The following PLPPR1 variants were observed in gnomAD, a reference collection of about 807,000 sequenced individuals.
The protein encoded by PLPPR1 is phospholipid phosphatase related 1, also known as phospholipid phosphatase-related protein type 1.
Under a neutral mutation model 33.1 loss-of-function variants are expected in PLPPR1, and 10 were observed. That is an observed-to-expected ratio of 0.30 (90% CI 0.19 to 0.51). PLPPR1 has a LOEUF of 0.51. PLPPR1 is among the 20% of genes least tolerant of loss of function. The pLI is 0.97. For synonymous variants in PLPPR1, 151 were observed against 151.0 expected, an observed-to-expected ratio of 1.00 and a Z score of 0.00; for missense variants, 304 against 408.1, an observed-to-expected ratio of 0.74 and a Z score of 2.20.
intron 1 of PLPPR1, among the ~76,000 whole-genome samples, chr9:101,092,040 AC>A (rs761335634): frequency 5.3e-5 from 8 of 151,678 alleles, no homozygotes; most frequent in Non-Finnish European, 8.8e-5. Context: ...TTCTCTTGAC[AC>A]TCTCTCCTTG....
chr9:101,218,215 G>A (rs568007509), intron 2 of PLPPR1, among the ~76,000 whole-genome samples: 1 of 152,212 alleles, frequency 6.6e-6, no homozygotes, highest in South Asian at 2.1e-4. Context: ...GATCCACATT[G>A]GGAATATGAG....
chr9:101,111,667 G>A (rs991088565), intron 1 of PLPPR1, among the ~76,000 whole-genome samples: 24 of 152,258 alleles, frequency 1.6e-4, no homozygotes, highest in African/African-American at 5.8e-4. Context: ...ATGAAGCACT[G>A]TCAGTTACTT....
chr9:101,293,451 AC>A (rs1265472820), intron 4 of PLPPR1, among the ~76,000 whole-genome samples: 39 of 152,050 alleles, frequency 2.6e-4, no homozygotes, highest in African/African-American at 9.4e-4. Context: ...CACCAAGCAG[AC>A]CTAATAGACA....
chr9:101,058,407 G>A (rs1830304483), intron 1 of PLPPR1, among the ~76,000 whole-genome samples: 1 of 152,068 alleles, frequency 6.6e-6, no homozygotes, highest in African/African-American at 2.4e-5. Context: ...CTGAACAGAT[G>A]GGGCAGGAGA....
chr9:101,299,445 T>G (rs1446522522), intron 4 of PLPPR1, among the ~76,000 whole-genome samples: 1 of 152,186 alleles, frequency 6.6e-6, no homozygotes, highest in African/African-American at 2.4e-5. Context: ...CAAGAAATTG[T>G]GATGAGGTTA....
intron 2 of PLPPR1, among the ~76,000 whole-genome samples, chr9:101,199,471 C>T (rs1826455747): frequency 6.6e-6 from 1 of 152,194 alleles, no homozygotes; most frequent in Admixed American, 6.5e-5. Flanking sequence ...TAAATTTACT[C>T]CTTCAGCAGA....
chr9:101,037,854 GTTTTT>G (rs34419550), intron 1 of PLPPR1, among the ~76,000 whole-genome samples: 1 of 138,774 alleles, frequency 7.2e-6, no homozygotes. Context: ...TTTGGGTCTA[GTTTTT>G]TTTTTTTTTT....
intron 2 of PLPPR1, among the ~76,000 whole-genome samples, chr9:101,260,874 G>A (rs1827886064): frequency 1.3e-5 from 2 of 152,162 alleles, no homozygotes; most frequent in African/African-American, 4.8e-5. Flanking sequence ...AGACCAGGCT[G>A]AAGAAAAGGG....
At chr9:101,297,997 G>A (rs149554583) in intron 4 of PLPPR1, among the ~76,000 whole-genome samples, 1 of 152,256 alleles carries the variant, frequency 6.6e-6, no homozygotes, top group African/African-American at 2.4e-5. Context: ...AAATATTTTT[G>A]TAAATATAAA....
intron 2 of PLPPR1, among the ~76,000 whole-genome samples, chr9:101,235,219 T>C (rs1827275590): frequency 6.6e-6 from 1 of 151,894 alleles, no homozygotes; most frequent in Non-Finnish European, 1.5e-5. Context: ...TTTCCCCCGA[T>C]TCCTTTCATG....
At chr9:101,161,231 T>C (rs1340704605) in intron 1 of PLPPR1, among the ~76,000 whole-genome samples, 5 of 152,122 alleles carry the variant, frequency 3.3e-5, no homozygotes, top group African/African-American at 9.7e-5. Flanking sequence ...ATAGTAGTTA[T>C]CATGTTGCCT....
chr9:101,116,559 A>G (rs1831120373), intron 1 of PLPPR1, among the ~76,000 whole-genome samples: 1 of 152,176 alleles, frequency 6.6e-6, no homozygotes, highest in Non-Finnish European at 1.5e-5. Context: ...TCACGCCTGT[A>G]ATCCCAGGAC....
intron 1 of PLPPR1, among the ~76,000 whole-genome samples, chr9:101,165,100 A>T (rs1825837376): frequency 6.6e-6 from 1 of 152,200 alleles, no homozygotes; most frequent in Non-Finnish European, 1.5e-5. Context: ...GCATTATGTA[A>T]GTCAGAGATC....
chr9:101,286,058 T>A, intron 3 of PLPPR1, 46 bp from the exon 4 acceptor site: 1 of 1,568,796 alleles, frequency 6.4e-7, no homozygotes, highest in Non-Finnish European at 8.7e-7. Context: ...GCCTCTCTTA[T>A]CAAACAGATC....
intron 2 of PLPPR1, among the ~76,000 whole-genome samples, chr9:101,267,548 C>T (rs528087769): frequency 9.2e-5 from 14 of 152,192 alleles, no homozygotes; most frequent in Admixed American, 3.3e-4. Context: ...GAGCAGAAAA[C>T]GCTAGATACT....
intron 1 of PLPPR1, among the ~76,000 whole-genome samples, chr9:101,079,670 C>G (rs1220524162): frequency 1.3e-5 from 2 of 152,020 alleles, no homozygotes; most frequent in Non-Finnish European, 2.9e-5. Flanking sequence ...ACCTCTGTCT[C>G]CCAGGTTCAC....
At chr9:101,107,924 G>A (rs965210393) in intron 1 of PLPPR1, among the ~76,000 whole-genome samples, 3 of 151,018 alleles carry the variant, frequency 2.0e-5, no homozygotes, top group African/African-American at 4.9e-5. Context: ...AGGTGCGTTC[G>A]TCACCCCTTT....
intron 1 of PLPPR1, among the ~76,000 whole-genome samples, chr9:101,165,970 T>C (rs1422618527): frequency 6.6e-6 from 1 of 152,212 alleles, no homozygotes; most frequent in Admixed American, 6.5e-5. Flanking sequence ...CTTTACCATA[T>C]TCATTCTTCT....
chr9:101,172,353 G>GA (rs55644832), intron 1 of PLPPR1, among the ~76,000 whole-genome samples: 54,305 of 148,198 alleles, frequency 0.37, 10,160 homozygotes, highest in Middle Eastern at 0.44. Context: ...CACTAAAGGG[G>GA]AAAAAAAAAA....
Sources: allele counts gnomAD v4.1 joint callset (sites outside exome capture counted in the v4.1 genomes callset), GRCh38; gene constraint gnomAD v4.1.1; transcripts MANE v1.5; gene names NCBI Gene and HGNC (gene_info 2026-07-23, HGNC 2026-07-21).